P4HA1: variants seen among roughly 807,000 people sequenced by gnomAD.
P4HA1 encodes prolyl 4-hydroxylase subunit alpha 1.
P4HA1 carries 24 observed loss-of-function variants against 72.8 expected under a neutral mutation model. The ratio of observed to expected loss-of-function variants is 0.33; its 90% CI spans 0.24 to 0.46. The LOEUF (loss-of-function observed/expected upper bound fraction) is 0.46. P4HA1 is among the 20% of genes least tolerant of loss of function. The pLI, the probability that P4HA1 is intolerant of heterozygous loss-of-function variation, is 1.00. For synonymous variants in P4HA1, 201 were observed against 218.8 expected (o/e 0.92, Z 0.72); for missense variants, 446 against 640.6 (o/e 0.70, Z 3.28).
intron 1 of P4HA1, among the ~76,000 whole-genome samples, chr10:73,081,728 GC>G (rs1841829577): frequency 6.6e-6 from 1 of 152,170 alleles, no homozygotes; most frequent in South Asian, 2.1e-4. Context: ...AAAGTGATAT[GC>G]CATTCAATAA....
At chr10:73,030,401 A>T in intron 9 of P4HA1, 31 bp from the exon 10 acceptor site, 1 of 1,166,282 alleles carries the variant, frequency 8.6e-7, no homozygotes, top group Non-Finnish European at 1.2e-6. Context: ...AGTTTTATTG[A>T]TAATGTTTCA....
intron 5 of P4HA1, among the ~76,000 whole-genome samples, chr10:73,055,331 C>T (rs549483665): frequency 6.6e-6 from 1 of 152,248 alleles, no homozygotes; most frequent in South Asian, 2.1e-4. Context: ...CAGCCTCCCA[C>T]GTAGCTGGGA....
chr10:73,070,137 C>A lies in P4HA1; in HGVS notation c.326-1154G>T, dbSNP rs551572014. Among the ~76,000 whole-genome samples, 114 of 136,980 alleles carry A rather than the reference C, an allele frequency of 8.3e-4. 3 individuals are homozygous for A. In the South Asian group the frequency reaches 0.013, roughly 16 times the overall value. The allele number at this position is 136,980 out of a possible 152,430, so 89.9% of individuals were successfully genotyped here. A position where few individuals can be genotyped will look rare whatever the true frequency, so the allele number is the denominator to read the frequency against. On this transcript the variant is annotated intron_variant, in intron 4 of 14. Transcript: ENST00000394890. ...CTACGTATTTTGAACAGCAAGAGACCAGGCCTTTTTTTTTTTTTTTTTTTT... is the reference window on the plus strand; with the variant it reads ...CTACGTATTTTGAACAGCAAGAGACAAGGCCTTTTTTTTTTTTTTTTTTTT...
At chr10:73,073,916 A>G (rs1772368249) in intron 2 of P4HA1, 89 bp from the exon 3 acceptor site, 2 of 738,046 alleles carry the variant, frequency 2.7e-6, no homozygotes, top group Admixed American at 3.9e-5. Context: ...TCATTCTATG[A>G]GACAATTTAA....
At position 73,073,917 on chromosome 10, in the gene P4HA1, GA is replaced by G. The variant is rs1841629484; in HGVS notation, c.77-91del. On this transcript the variant is annotated intron_variant, in intron 2 of 14. Transcript: ENST00000394890. ...TGATTGAGACTGTTTCATTCTATGAGACAATTTAACTGGCATGAATCAGATA... is the reference window on the plus strand; with the variant it reads ...TGATTGAGACTGTTTCATTCTATGAGCAATTTAACTGGCATGAATCAGATA... The G allele has an allele frequency of 1.8e-5, 13 of 738,216 alleles. No individual in the cohort carries two copies. The East Asian group carries it at 3.2e-4, about 18-fold the overall frequency. The allele number at this position is 738,216 out of a possible 1,614,324, so 45.7% of individuals were successfully genotyped here. A position where few individuals can be genotyped will look rare whatever the true frequency, so the allele number is the denominator to read the frequency against.
At chr10:73,094,126 T>C (rs377751434) in intron 1 of P4HA1, among the ~76,000 whole-genome samples, 1 of 151,880 alleles carries the variant, frequency 6.6e-6, no homozygotes, top group Non-Finnish European at 1.5e-5. Flanking sequence ...AGTTACCATA[T>C]ATAGGAGAGG....
At chr10:73,069,058 TG>T in intron 4 of P4HA1, 75 bp from the exon 5 acceptor site, 2 of 1,130,832 alleles carry the variant, frequency 1.8e-6, no homozygotes, top group Non-Finnish European at 2.6e-6. Context: ...TAATAAGGAT[TG>T]TTCAAAATCT....
In P4HA1 at chr10:73,016,951, C is replaced by CA. The variant is rs771445865; in HGVS notation, c.1249-53dup. 9.9e-5 allele frequency: 141 copies of CA among 1,419,316 alleles called. 1 individual carries two copies. The highest frequency in any genetic ancestry group is 2.1e-4 in the East Asian group (9 of 43,146). The allele number at this position is 1,419,316 out of a possible 1,614,324, so 87.9% of individuals were successfully genotyped here. The stretch of plus-strand genomic sequence containing the variant: ...GAAAAGAACTATAAAGATTACTATT[C>CA]AAAAAAAATCTATGAACCTCATTTT... On this transcript the variant is annotated intron_variant, in intron 10 of 14. Coordinates refer to ENST00000394890, the MANE Select transcript of P4HA1 (RefSeq NM_001017962.3).
chr10:73,027,835 AGGAAGGGAGGGAGAGAGGAG>A (rs1840323932), intron 10 of P4HA1, among the ~76,000 whole-genome samples: 1 of 114,740 alleles, frequency 8.7e-6, no homozygotes, highest in Admixed American at 1.1e-4. Flanking sequence ...AGAGAGAGGA[AGGAAGGGAGGGAGAGAGGAG>A]GGGAGGGAGG....
rs1355195909 is a variant in P4HA1 at position 73,075,477 on chromosome 10, C to T, written c.-32-562G>A. Among the ~76,000 whole-genome samples the T allele has an allele frequency of 3.9e-5, 6 of 152,166 alleles. No homozygotes were observed. The East Asian group carries it at 1.2e-3, about 29-fold the overall frequency. On this transcript the variant is annotated intron_variant, in intron 1 of 14. Coordinates refer to ENST00000394890, the MANE Select transcript of P4HA1 (RefSeq NM_001017962.3). The stretch of plus-strand genomic sequence containing the variant: ...AAAAATTCAAGCTGAGTTTGTTCTC[C>T]TTAGTCACTATTACAATTAGAGTAA...
At chr10:73,046,230 T>C (rs1193184075) in intron 8 of P4HA1, among the ~76,000 whole-genome samples, 1 of 152,186 alleles carries the variant, frequency 6.6e-6, no homozygotes, top group Non-Finnish European at 1.5e-5. Context: ...GCCTAGAATT[T>C]ATTCAACAAT....
At chr10:73,017,648 T>TA (rs909594993) in intron 10 of P4HA1, among the ~76,000 whole-genome samples, 2 of 152,120 alleles carry the variant, frequency 1.3e-5, no homozygotes, top group Admixed American at 6.6e-5. Context: ...TTTTCCCTGC[T>TA]AAAAAAGGAA....
intron 12 of P4HA1, among the ~76,000 whole-genome samples, chr10:73,013,957 C>G (rs1564618086): frequency 6.6e-6 from 1 of 152,028 alleles, no homozygotes; most frequent in Admixed American, 6.6e-5. Flanking sequence ...TATTACTAAA[C>G]AGAGAGACTA....
chr10:73,019,597 T>C (rs536055125), intron 10 of P4HA1, among the ~76,000 whole-genome samples: 11 of 151,640 alleles, frequency 7.3e-5, no homozygotes, highest in African/African-American at 2.7e-4. Flanking sequence ...AACAAAACAC[T>C]TGCAGCTGAA....
At chr10:73,044,936 A>G in intron 9 of P4HA1, 45 bp downstream of exon 9, 1 of 1,466,840 alleles carries the variant, frequency 6.8e-7, no homozygotes, top group Non-Finnish European at 9.5e-7. Flanking sequence ...AAGATGTATA[A>G]AACACTCATT....
At chr10:73,023,121 C>T (rs1840175617) in intron 10 of P4HA1, among the ~76,000 whole-genome samples, 1 of 152,152 alleles carries the variant, frequency 6.6e-6, no homozygotes, top group South Asian at 2.1e-4. Flanking sequence ...GGCAGGCCAA[C>T]AGTCAAATTC....
chr10:73,043,644 C>T (rs1406606954), intron 9 of P4HA1, among the ~76,000 whole-genome samples: 1 of 152,140 alleles, frequency 6.6e-6, no homozygotes, highest in East Asian at 1.9e-4. Context: ...ACACATTTCA[C>T]TTATCAAAGT....
At chr10:73,055,573 A>C (rs1841123478) in intron 5 of P4HA1, among the ~76,000 whole-genome samples, 1 of 152,166 alleles carries the variant, frequency 6.6e-6, no homozygotes, top group Non-Finnish European at 1.5e-5. Context: ...TTGATGGTGC[A>C]CTTTTGAAAC....
At chr10:73,047,235 G>T in intron 7 of P4HA1, 134 bp from the exon 8 acceptor site, 1 of 673,826 alleles carries the variant, frequency 1.5e-6, no homozygotes, top group Non-Finnish European at 2.5e-6. Context: ...AAAAGAAGCA[G>T]TACTCTGCAA....
Sources: gnomAD v4.1 joint callset for allele counts (sites outside exome capture counted in the v4.1 genomes callset) on GRCh38, gnomAD v4.1.1 for gene constraint, MANE v1.5 for transcripts, NCBI Gene and HGNC (gene_info 2026-07-23, HGNC 2026-07-21) for gene names.